The following APC variants were observed in gnomAD, a reference collection of about 807,000 sequenced individuals.
APC encodes the protein APC regulator of Wnt signaling pathway.
APC carries 72 observed loss-of-function variants against 247.0 expected under a neutral mutation model. That is an observed-to-expected ratio of 0.29 (90% confidence interval 0.24 to 0.35). The LOEUF is 0.35. Among genes scored for constraint, APC ranks in the 10% least tolerant of loss-of-function variants. APC has a pLI of 1.00. For synonymous variants in APC, 1,254 were observed against 1,162.5 expected, an observed-to-expected ratio of 1.08 and a Z score of -1.60; for missense variants, 3,400 against 3,360.7, an observed-to-expected ratio of 1.01 and a Z score of -0.29.
chr5:112,737,415 C>T (rs567736805), upstream of APC, among the ~76,000 whole-genome samples: 6 of 152,324 alleles, frequency 3.9e-5, no homozygotes, highest in African/African-American at 1.4e-4. Flanking sequence ...AGTGATCTAT[C>T]TAACAAGTCA....
chr5:112,822,679 G>A (rs1375329365), intron 11 of APC, among the ~76,000 whole-genome samples: 1 of 152,078 alleles, frequency 6.6e-6, no homozygotes, highest in Admixed American at 6.6e-5. Flanking sequence ...GCATCATGCT[G>A]AACCATCTCA....
At chr5:112,801,111 G>A (rs77260248) in intron 7 of APC, among the ~76,000 whole-genome samples, 168 bp from the exon 8 acceptor site, 4 of 151,990 alleles carry the variant, frequency 2.6e-5, no homozygotes, top group African/African-American at 4.8e-5. Context: ...CGAGATAGTC[G>A]ACCGCCAATC....
intron 13 of APC, 108 bp from the exon 14 acceptor site, chr5:112,828,748 C>T: frequency 2.5e-6 from 2 of 800,858 alleles, no homozygotes; most frequent in South Asian, 1.5e-5. Context: ...CACGGCTAGC[C>T]AGAATTTCTT....
Position 112,843,723 on chromosome 5 carries a change from G to T in APC, c.8129G>T (p.Ser2710Ile). Residue 2710 changes from serine (S) to isoleucine (I), a missense_variant, in exon 16 of 16, where the codon AGT becomes ATT. Ser to Ile is a moderately radical substitution (Grantham distance 142). Coordinates refer to ENST00000257430, the MANE Select transcript of APC (RefSeq NM_000038.6). The surrounding 1 kb of genome is among the most constrained non-coding windows in gnomAD (Gnocchi z 4.8). ...NQAKQNVGNG[S>I]VPMRTVGLEN... ...GCAAAACAAAATGTGGGTAATGGCA[G>T]TGTTCCCATGCGTACCGTGGGTTTG... 6.2e-7 allele frequency: 1 copy of T among 1,614,084 alleles called. No individual in the cohort carries two copies. Among genetic ancestry groups the T allele is most frequent in the Non-Finnish European group, 8.5e-7 (1 of 1,179,948 alleles).
chr5:112,827,748 AAGAATTAGG>A (rs1763848118), intron 12 of APC, among the ~76,000 whole-genome samples, 172 bp from the exon 13 acceptor site: 1 of 152,242 alleles, frequency 6.6e-6, no homozygotes, highest in South Asian at 2.1e-4. Flanking sequence ...ACAGATAGCA[AAGAATTAGG>A]AGAATATTTG....
intron 6 of APC, among the ~76,000 whole-genome samples, chr5:112,785,395 G>C (rs1758826527): frequency 6.6e-6 from 1 of 152,134 alleles, no homozygotes; most frequent in South Asian, 2.1e-4. Flanking sequence ...GGAAATGGGG[G>C]TAGGAGGACC....
At chr5:112,799,337 CACCATCATTATTGAATT>C (rs1287621146) in intron 7 of APC, among the ~76,000 whole-genome samples, 1 of 152,060 alleles carries the variant, frequency 6.6e-6, no homozygotes, top group East Asian at 1.9e-4. Context: ...TGAGGAGTAG[CACCATCATTATTGAATT>C]GTGTGAGCTA....
rs1257059865 is a variant in APC, at chr5:112,707,758, C to T, written c.41C>T (p.Pro14Leu). ...GGCTCGGGTCCGGTCGCCCCTTTGC[C>T]CGCTTCTGTACCACCCTCAGTTCTC... Residue 14 changes from proline to leucine, a missense_variant, in exon 1 of 14, where the codon CCC becomes CTC. By Grantham distance (98) the Pro-to-Leu change is moderately conservative. Transcript: ENST00000507379. The T allele has an allele frequency of 1.5e-6, 2 of 1,370,564 alleles. No homozygotes were observed. The highest frequency in any genetic ancestry group is 2.2e-5 in the Admixed American group (1 of 46,056). The allele number at this position is 1,370,564 out of a possible 1,614,324, so 84.9% of individuals were successfully genotyped here. A position where few individuals can be genotyped will look rare whatever the true frequency, so the allele number is the denominator to read the frequency against.
rs536220107 is a variant in APC at position 112,738,600 on chromosome 5, G to A, written c.-19+675G>A. 60 of 703,636 alleles carry A rather than the reference G, an allele frequency of 8.5e-5. No individual in the cohort carries two copies. The African/African-American group carries it at 9.4e-4, about 11-fold the overall frequency. 43.6% of individuals were successfully genotyped at this position (703,636 alleles called of 1,614,324 possible). A position where few individuals can be genotyped will look rare whatever the true frequency, so the allele number is the denominator to read the frequency against. On this transcript the variant is annotated intron_variant, in intron 1 of 15. Transcript: ENST00000257430. ...CCAGTGTCTTTGTTAGTTACAAAAT[G>A]CAGTGGTAGTGGCTTTTTGCGGACG... is the stretch of plus-strand genomic sequence containing the variant.
chr5:112,797,784 T>C (rs1053915018), intron 7 of APC, among the ~76,000 whole-genome samples: 2 of 152,166 alleles, frequency 1.3e-5, no homozygotes, highest in African/African-American at 4.8e-5. Flanking sequence ...AAGATTTAAA[T>C]AGGCATTTCA....
chr5:112,812,794 T>C (rs1050762010), intron 8 of APC, among the ~76,000 whole-genome samples: 1 of 152,230 alleles, frequency 6.6e-6, no homozygotes, highest in African/African-American at 2.4e-5. Context: ...GTGACTAATA[T>C]ACTACCTGGA....
At chr5:112,713,145 T>C (rs1182038002) in intron 1 of APC, among the ~76,000 whole-genome samples, 8 of 133,888 alleles carry the variant, frequency 6.0e-5, no homozygotes, top group Non-Finnish European at 1.2e-4. Flanking sequence ...CACTCCAGCC[T>C]GGGTGACAGA....
chr5:112,842,726 C>G lies in APC; in HGVS notation c.7132C>G (p.Leu2378Val), dbSNP rs587782711. 6.2e-7 allele frequency: 1 copy of G among 1,613,954 alleles called. No individual in the cohort carries two copies. Among genetic ancestry groups the G allele is most frequent in the Non-Finnish European group, 8.5e-7 (1 of 1,179,862 alleles). Reference protein sequence around the residue: ...SPGRQMSQQNLTKQTGLSKNA... With the variant: ...SPGRQMSQQNVTKQTGLSKNA... ...AGGTAGACAGATGAGCCAACAGAACCTTACCAAACAAACAGGTTTATCCAA... is the reference window on the plus strand; with the variant it reads ...AGGTAGACAGATGAGCCAACAGAACGTTACCAAACAAACAGGTTTATCCAA... Residue 2378 changes from leucine to valine, a missense_variant, in exon 16 of 16, where the codon CTT (leucine) becomes GTT (valine). By Grantham distance (32) the Leu-to-Val change is conservative (BLOSUM62 1). This residue lies in a region of APC where 1,788 missense variants were observed against 1,649.5 expected (regional missense o/e 1.08). Coordinates refer to ENST00000257430, the MANE Select transcript of APC (RefSeq NM_000038.6).
intron 8 of APC, among the ~76,000 whole-genome samples, chr5:112,809,574 T>TA (rs1433198353): frequency 7.3e-6 from 1 of 136,920 alleles, no homozygotes; most frequent in Non-Finnish European, 1.6e-5. Context: ...CCATGAGGAC[T>TA]AAAAAATCAC....
intron 1 of APC, among the ~76,000 whole-genome samples, chr5:112,710,007 T>C (rs1283575036): frequency 6.6e-6 from 1 of 152,196 alleles, no homozygotes; most frequent in Non-Finnish European, 1.5e-5. Flanking sequence ...CTCCCTGTTC[T>C]TCCAACCCAT....
rs1326143606 is a variant in APC, at chr5:112,844,031, A to G, written c.8437A>G (p.Thr2813Ala). Residue 2813 changes from threonine to alanine, a missense_variant, in exon 16 of 16, where the codon ACA becomes GCA. This residue lies in a region of APC where 1,788 missense variants were observed against 1,649.5 expected (regional missense o/e 1.08). Transcript: ENST00000257430. Reference sequence around the variant, plus strand: ...GATCCCAACTCCAGTGAATAACAACACAAAGAAGCGAGATTCCAAAACTGA... The same window carrying G: ...GATCCCAACTCCAGTGAATAACAACGCAAAGAAGCGAGATTCCAAAACTGA... Reference protein sequence around the residue: ...SQIPTPVNNNTKKRDSKTDST... With the variant: ...SQIPTPVNNNAKKRDSKTDST... The G allele has an allele frequency of 1.2e-6, 2 of 1,602,802 alleles. No homozygotes were observed. The highest frequency in any genetic ancestry group is 8.5e-7 in the Non-Finnish European group (1 of 1,176,994).
Position 112,842,203 on chromosome 5 carries a change from T to C in APC, c.6609T>C (p.Val2203=), listed in dbSNP as rs149328018. The change falls in exon 16 of 16, where the codon GTT becomes GTC. Residue 2203 remains valine, a synonymous_variant. Transcript: ENST00000257430. ...ATAAAAGTTTGATTACTGGAAAAGT[T>C]CGATCTAATTCAGAAATTTCAGGCC... ...KVYKSLITGK[V]RSNSEISGQM... is the part of the protein sequence containing the mutation. The C allele has an allele frequency of 1.4e-4, 229 of 1,613,358 alleles. No individual in the cohort carries two copies. The highest frequency in any genetic ancestry group is 5.0e-5 in the Admixed American group (3 of 60,004).
upstream of APC, among the ~76,000 whole-genome samples, chr5:112,733,314 A>G (rs1443498598): frequency 1.3e-5 from 2 of 152,232 alleles, no homozygotes; most frequent in Admixed American, 6.5e-5. Flanking sequence ...AAGGGAATTA[A>G]AATGGCTAAT....
In APC at chr5:112,806,483, A is replaced by G. The variant is rs1221715608; in HGVS notation, c.834+5100A>G. On this transcript the variant is annotated intron_variant, in intron 8 of 15. Transcript: ENST00000257430. ...GGAAGGAAAAGCTTAGGAGTAAATT[A>G]TACAGGCCAGATCCCTGCTTGCTTA... 3.9e-5 allele frequency among the ~76,000 whole-genome samples: 6 copies of G among 152,222 alleles called. No individual in the cohort carries two copies. The East Asian group carries it at 1.2e-3, about 29-fold the overall frequency.
Sources: allele counts gnomAD v4.1 joint callset (sites outside exome capture counted in the v4.1 genomes callset), GRCh38; gene constraint gnomAD v4.1.1; regional missense constraint gnomAD v4.1.1; non-coding constraint Gnocchi (gnomAD v3.1); transcripts MANE v1.5; gene names NCBI Gene and HGNC (gene_info 2026-07-23, HGNC 2026-07-21).